The following MYH11 variants were observed in gnomAD, a reference collection of about 807,000 sequenced individuals.
MYH11 encodes myosin heavy chain 11.
Under a neutral mutation model 246.6 loss-of-function variants are expected in MYH11, and 80 were observed. The observed-to-expected ratio is 0.32, with a 90% CI of 0.27 to 0.39. The LOEUF (loss-of-function observed/expected upper bound fraction) is 0.39. MYH11 is among the 10% of genes least tolerant of loss of function. The probability of loss-of-function intolerance (pLI) is 1.00; values close to 1 mark genes in which losing one functional copy is unlikely to be tolerated. For synonymous variants in MYH11, 1,071 were observed against 1,015.5 expected, an observed-to-expected ratio of 1.05 and a Z score of -1.04; for missense variants, 2,158 against 2,546.8, an observed-to-expected ratio of 0.85 and a Z score of 3.29.
At chr16:15,779,736 C>T (rs8048077) in intron 6 of MYH11, among the ~76,000 whole-genome samples, 32,626 of 152,152 alleles carry the variant, frequency 0.21, 3,706 homozygotes, top group Middle Eastern at 0.26. Flanking sequence ...GCCCTAGAGG[C>T]TCAACAAGTA....
At chr16:15,797,491 TTAAA>T (rs530478539) in intron 4 of MYH11, among the ~76,000 whole-genome samples, 6 of 150,804 alleles carry the variant, frequency 4.0e-5, no homozygotes, top group African/African-American at 1.5e-4. Flanking sequence ...TATATTTTAT[TTAAA>T]TAACCTCTGT....
intron 31 of MYH11, among the ~76,000 whole-genome samples, chr16:15,723,189 C>T (rs1175802212): frequency 2.6e-5 from 4 of 152,124 alleles, no homozygotes; most frequent in Non-Finnish European, 5.9e-5. Context: ...TTGTGAATCT[C>T]ATCACATGTA....
Position 15,754,051 on chromosome 16 carries a change from C to CAAA in MYH11, c.1750-546_1750-544dup, listed in dbSNP as rs10706166. ...TGAAACCCCATGTCTACTAAAAATA[C>CAAA]AAAAAAAAAAAAAAAATTAGCCAGG... On this transcript the variant is annotated intron_variant, in intron 14 of 40. Transcript: ENST00000300036. Among the ~76,000 whole-genome samples, 392 of 132,774 alleles carry CAAA rather than the reference C, an allele frequency of 3.0e-3. 3 individuals are homozygous for CAAA. Among genetic ancestry groups the CAAA allele is most frequent in the South Asian group, 0.013 (54 of 4,086 alleles). 87.1% of individuals were successfully genotyped at this position (132,774 alleles called of 152,430 possible).
Position 15,718,979 on chromosome 16 carries a change from T to C in MYH11, c.5171+241A>G, listed in dbSNP as rs1010383305. 3.4e-5 allele frequency: 18 copies of C among 523,334 alleles called. No individual in the cohort carries two copies. The South Asian group carries it at 3.4e-4, about 10-fold the overall frequency. 32.4% of individuals were successfully genotyped at this position (523,334 alleles called of 1,614,324 possible). ...CCCACCTCTACTAAAAATATAAAAA[T>C]TAGCCAGGCATGGTGGTACACACCT... On this transcript the variant is annotated intron_variant, in intron 36 of 40. Transcript: ENST00000300036.
Position 15,740,081 on chromosome 16 carries a change from GA to G in MYH11, c.2966del (p.Val989AlafsTer23). 1.2e-6 allele frequency: 2 copies of G among 1,614,160 alleles called. No individual in the cohort carries two copies. The highest frequency in any genetic ancestry group is 1.7e-6 in the Non-Finnish European group (2 of 1,180,022). ...ATAGTTTATTGTTCTGATCATCCAT[GA>G]CCAGGATCTCATCCTCCAGTTTCTT... ...KIKKLEDEILVMDDQNNKLSK... is the reference protein window; with the variant it reads ...KIKKLEDEILXMDDQNNKLSK... On this transcript the variant is annotated frameshift_variant, in exon 23 of 41. Coordinates refer to ENST00000300036, the MANE Select transcript of MYH11 (RefSeq NM_002474.3). LOFTEE classifies it high-confidence loss of function.
intron 36 of MYH11, 66 bp downstream of exon 36, chr16:15,719,154 G>T: frequency 7.4e-6 from 11 of 1,480,816 alleles, no homozygotes; most frequent in Non-Finnish European, 1.0e-5. Context: ...TAAAATGGGG[G>T]TCGAGGATGC....
At chr16:15,850,279 G>C (rs964407250) in intron 1 of MYH11, among the ~76,000 whole-genome samples, 6 of 152,180 alleles carry the variant, frequency 3.9e-5, no homozygotes, top group African/African-American at 1.4e-4. Flanking sequence ...CAGCTACTCA[G>C]GAGGCTGAGG....
At chr16:15,763,280 G>C (rs571041603) in intron 10 of MYH11, among the ~76,000 whole-genome samples, 2 of 151,938 alleles carry the variant, frequency 1.3e-5, no homozygotes, top group Non-Finnish European at 2.9e-5. Flanking sequence ...AGCTATTCTT[G>C]TGTCATTTCC....
intron 20 of MYH11, among the ~76,000 whole-genome samples, chr16:15,742,463 C>G (rs933650497): frequency 1.3e-5 from 2 of 152,132 alleles, no homozygotes; most frequent in African/African-American, 2.4e-5. Context: ...ATGATACAGA[C>G]AGGAACAGTG....
rs772907739 is a variant in MYH11 at position 15,718,401 on chromosome 16, G to A, written c.5209C>T (p.Arg1737Trp). 8 of 1,594,870 alleles carry A rather than the reference G, an allele frequency of 5.0e-6. No homozygotes were observed. The highest frequency in any genetic ancestry group is 2.2e-5 in the East Asian group (1 of 44,612). ...LQDEKRRLEA[R>W]IAQLEEELEE... ...AGCTCCTCCTCCAGCTGGGCGATCC[G>A]GGCCTCCAGGCGGCGCTTCTCGTCC... The change falls in exon 37 of 41, where the codon CGG becomes TGG. Residue 1737 changes from arginine (R) to tryptophan (W), a missense_variant. Physicochemically the swap from Arg to Trp is moderately radical, Grantham distance 101 (BLOSUM62 -3). Around this residue, in one of 11 missense-constraint regions of MYH11, gnomAD observed 1,013 missense variants for 993.5 expected, o/e 1.02. Transcript: ENST00000300036.
intron 9 of MYH11, among the ~76,000 whole-genome samples, chr16:15,765,168 A>C (rs2041954173): frequency 1.3e-5 from 2 of 151,884 alleles, no homozygotes; most frequent in South Asian, 2.1e-4. Context: ...TGAATGAATA[A>C]ATGGATAGAG....
At position 15,740,073 on chromosome 16, in the gene MYH11, T is replaced by C. The variant is rs1365275899; in HGVS notation, c.2975A>G (p.Asp992Gly). The change falls in exon 23 of 41, where the codon GAT becomes GGT. Residue 992 changes from aspartate to glycine, a missense_variant. Physicochemically the swap from Asp to Gly is moderately conservative, Grantham distance 94 (BLOSUM62 -1). Coordinates refer to ENST00000300036, the MANE Select transcript of MYH11 (RefSeq NM_002474.3). The stretch of plus-strand genomic sequence containing the variant: ...CACTTTTGATAGTTTATTGTTCTGA[T>C]CATCCATGACCAGGATCTCATCCTC... Reference protein sequence around the residue: ...KLEDEILVMDDQNNKLSKERK... With the variant: ...KLEDEILVMDGQNNKLSKERK... The C allele has an allele frequency of 1.9e-6, 3 of 1,614,198 alleles. No homozygotes were observed. The highest frequency in any genetic ancestry group is 1.7e-6 in the Non-Finnish European group (2 of 1,180,036).
At position 15,797,008 on chromosome 16, in the gene MYH11, C is replaced by T. The variant is rs557085997; in HGVS notation, c.530+1652G>A. Among the ~76,000 whole-genome samples, 3 of 152,274 alleles carry T rather than the reference C, an allele frequency of 2.0e-5. No individual in the cohort carries two copies. The South Asian group carries it at 6.2e-4, about 32-fold the overall frequency. Reference sequence around the variant, plus strand: ...TTCCCATCTAATCCTCTTCCCTTTCCCCACAGAGCCAAGTCCATCACAGGG... The same window carrying T: ...TTCCCATCTAATCCTCTTCCCTTTCTCCACAGAGCCAAGTCCATCACAGGG... On this transcript the variant is annotated intron_variant, in intron 4 of 40. Transcript: ENST00000300036.
chr16:15,724,304 A>C lies in MYH11; in HGVS notation c.4222T>G (p.Tyr1408Asp). 1 of 1,613,954 alleles carries C rather than the reference A, an allele frequency of 6.2e-7. No individual in the cohort carries two copies. Among genetic ancestry groups the C allele is most frequent in the Non-Finnish European group, 8.5e-7 (1 of 1,180,002 alleles). ...TCATAAGCGGCCGCCTTCTCCTCGT[A>C]CTGCTGGGTGAGGTTCTCGATCTCC... ...QKEIENLTQQ[Y>D]EEKAAAYDKL... The change falls in exon 31 of 41, where the codon TAC becomes GAC. Residue 1408 changes from tyrosine to aspartate, a missense_variant. This residue lies in a region of MYH11 where 1,013 missense variants were observed against 993.5 expected (regional missense o/e 1.02). Transcript: ENST00000300036.
In MYH11 at chr16:15,718,914, G is replaced by C. The variant is rs138416045; in HGVS notation, c.5171+306C>G. The C allele has an allele frequency of 3.1e-3, 1,326 of 431,722 alleles. 14 individuals carry two copies. Among genetic ancestry groups the C allele is most frequent in the African/African-American group, 0.025 (1,261 of 49,694 alleles). 26.7% of individuals were successfully genotyped at this position (431,722 alleles called of 1,614,324 possible). On this transcript the variant is annotated intron_variant, in intron 36 of 40. Transcript: ENST00000300036. Reference sequence around the variant, plus strand: ...AGGCCAAGGTAGGAGGATCACCTAAGGTCAGGAGTTCAAGACTAGCCTGGC... The same window carrying C: ...AGGCCAAGGTAGGAGGATCACCTAACGTCAGGAGTTCAAGACTAGCCTGGC...
At chr16:15,727,828 T>C (rs1196284401) in intron 27 of MYH11, among the ~76,000 whole-genome samples, 1 of 151,946 alleles carries the variant, frequency 6.6e-6, no homozygotes, top group Non-Finnish European at 1.5e-5. Context: ...AAACATTAGC[T>C]GGGTGTGGGG....
chr16:15,722,311 C>T (rs1335403692), intron 31 of MYH11, among the ~76,000 whole-genome samples: 1 of 152,206 alleles, frequency 6.6e-6, no homozygotes, highest in Non-Finnish European at 1.5e-5. Flanking sequence ...CTAAGAGCCT[C>T]AGTAGGGAAA....
chr16:15,839,727 G>A (rs1413738861), intron 1 of MYH11, among the ~76,000 whole-genome samples: 1 of 150,050 alleles, frequency 6.7e-6, no homozygotes. Flanking sequence ...AAATAGAAAA[G>A]GCATATCTAT....
At chr16:15,745,294 A>G (rs1159265771) in intron 19 of MYH11, 57 bp from the exon 20 acceptor site, 9 of 1,278,276 alleles carry the variant, frequency 7.0e-6, no homozygotes, top group Admixed American at 3.4e-5. Flanking sequence ...TGCTGTCAAC[A>G]GAGCCCTGCC....
Sources: allele counts gnomAD v4.1 joint callset (sites outside exome capture counted in the v4.1 genomes callset), GRCh38; gene constraint gnomAD v4.1.1; regional missense constraint gnomAD v4.1.1; transcripts MANE v1.5; gene names NCBI Gene and HGNC (gene_info 2026-07-23, HGNC 2026-07-21).